The following ABI3BP variants were observed in gnomAD, a reference collection of about 807,000 sequenced individuals.
ABI3BP encodes target of Nesh-SH3.
A neutral mutation model predicts 268.6 loss-of-function variants in ABI3BP; 216 were observed. The ratio of observed to expected loss-of-function variants is 0.80; its 90% CI spans 0.72 to 0.90. The LOEUF is 0.90. Ranked by LOEUF, ABI3BP falls within the 40% of genes least tolerant of loss-of-function variation. ABI3BP has a pLI of 0.00. For synonymous variants in ABI3BP, 730 were observed against 730.0 expected (o/e 1.00, Z 0.00); for missense variants, 2,090 against 2,182.4 (o/e 0.96, Z 0.84).
At chr3:100,900,096 T>C (rs1029960941) in intron 3 of ABI3BP, among the ~76,000 whole-genome samples, 3 of 152,262 alleles carry the variant, frequency 2.0e-5, no homozygotes, top group African/African-American at 7.2e-5. Flanking sequence ...ATAGGATAGT[T>C]GACTTTTAAA....
chr3:100,750,032 C>T lies in ABI3BP; in HGVS notation c.*463G>A, dbSNP rs1340940874. On this transcript the variant is annotated 3_prime_UTR_variant, in exon 68 of 68. Transcript: ENST00000471714. The stretch of plus-strand genomic sequence containing the variant: ...ATGTGAAAATTCGGACCTTTTTTCC[C>T]CAGATATACATGCTGAAGATAATTT... 1.4e-5 allele frequency: 4 copies of T among 294,554 alleles called. No individual in the cohort carries two copies. Among genetic ancestry groups the T allele is most frequent in the African/African-American group, 2.1e-5 (1 of 46,706 alleles). The allele number at this position is 294,554 out of a possible 1,614,324, so 18.2% of individuals were successfully genotyped here.
intron 22 of ABI3BP, among the ~76,000 whole-genome samples, chr3:100,840,413 T>C (rs2098675746): frequency 6.6e-6 from 1 of 152,168 alleles, no homozygotes; most frequent in African/African-American, 2.4e-5. Flanking sequence ...ATCTCAAAAC[T>C]TTGTACAGCT....
At position 100,902,628 on chromosome 3, in the gene ABI3BP, C is replaced by T. The variant is rs776571810; in HGVS notation, c.318G>A (p.Lys106=). The T allele has an allele frequency of 5.0e-6, 8 of 1,613,854 alleles. No individual in the cohort carries two copies. The Admixed American group carries it at 1.0e-4, about 20-fold the overall frequency. The part of the protein sequence containing the change: ...VRPAPPPSQK[K]SCSGKTRSRK... ...TGCAAAGGACTATACCTGAACATGACTTCTTTTGACTTGGAGGTGGAGCAG... is the reference window on the plus strand; with the variant it reads ...TGCAAAGGACTATACCTGAACATGATTTCTTTTGACTTGGAGGTGGAGCAG... Residue 106 remains lysine (K), a synonymous_variant, in exon 3 of 68, where the codon AAG becomes AAA. Coordinates refer to ENST00000471714, the MANE Select transcript of ABI3BP (RefSeq NM_001375547.2).
chr3:100,990,055 G>C (rs2092673702), intron 1 of ABI3BP, among the ~76,000 whole-genome samples: 1 of 152,164 alleles, frequency 6.6e-6, no homozygotes, highest in Admixed American at 6.5e-5. Context: ...GGCAGACAAT[G>C]GTCAGGCTAG....
intron 49 of ABI3BP, among the ~76,000 whole-genome samples, chr3:100,808,772 G>A (rs1032533181): frequency 3.3e-5 from 5 of 151,996 alleles, no homozygotes; most frequent in Non-Finnish European, 5.9e-5. Context: ...ATTTTCTATG[G>A]AGAGTTATTC....
chr3:100,843,494 GGAAA>G (rs1433619690), intron 20 of ABI3BP: 36 of 949,902 alleles, frequency 3.8e-5, no homozygotes, highest in Middle Eastern at 5.4e-4. Flanking sequence ...AGGAAGGGAG[GGAAA>G]GAAAGAGAGG....
intron 2 of ABI3BP, 119 bp downstream of exon 2, chr3:100,926,183 C>T: frequency 1.0e-6 from 1 of 994,302 alleles, no homozygotes; most frequent in Non-Finnish European, 1.5e-6. Flanking sequence ...GTAATTCTAC[C>T]ATTTGATTAA....
rs1203518937 is a variant in ABI3BP at position 100,835,719 on chromosome 3, T to C, written c.2132-59A>G. The C allele has an allele frequency of 3.0e-6, 4 of 1,312,326 alleles. No homozygotes were observed. The East Asian group carries it at 7.5e-5, about 25-fold the overall frequency. The allele number at this position is 1,312,326 out of a possible 1,614,324, so 81.3% of individuals were successfully genotyped here. A position where few individuals can be genotyped will look rare whatever the true frequency, so the allele number is the denominator to read the frequency against. On this transcript the variant is annotated intron_variant, in intron 27 of 67. Coordinates refer to ENST00000471714, the MANE Select transcript of ABI3BP (RefSeq NM_001375547.2). ...TAAGAAATACAGAAAAACAAAGTTA[T>C]TTTGAAAATGAATCTTCTTAACCCT... is the stretch of plus-strand genomic sequence containing the variant.
At chr3:100,833,201 T>C (rs2098521555) in intron 29 of ABI3BP, 44 bp from the exon 30 acceptor site, 2 of 1,491,722 alleles carry the variant, frequency 1.3e-6, no homozygotes, top group South Asian at 1.2e-5. Context: ...AAGAAATAAA[T>C]GTTAAACACA....
intron 37 of ABI3BP, 107 bp downstream of exon 37, chr3:100,823,350 GA>G: frequency 4.5e-6 from 4 of 897,032 alleles, no homozygotes; most frequent in Non-Finnish European, 6.5e-6. Context: ...ATTTCAAGAA[GA>G]GTTGAATGGC....
At chr3:100,834,803 A>G in intron 28 of ABI3BP, 30 bp from the exon 29 acceptor site, 2 of 1,525,216 alleles carry the variant, frequency 1.3e-6, no homozygotes, top group Non-Finnish European at 1.8e-6. Flanking sequence ...TATTGTAGTC[A>G]TATGACTCCA....
chr3:100,810,444 A>C lies in ABI3BP; in HGVS notation c.3575T>G (p.Leu1192Arg), dbSNP rs2097833936. The change falls in exon 49 of 68, where the codon CTA (leucine) becomes CGA (arginine). Residue 1192 changes from leucine (L) to arginine (R), a missense_variant. Physicochemically the swap from Leu to Arg is moderately radical, Grantham distance 102. Coordinates refer to ENST00000471714, the MANE Select transcript of ABI3BP (RefSeq NM_001375547.2). ...AGTCTGAGGCTCATCTGGGCTGGGT[A>C]GGGTTATAGATTGAGAAGGCAGAGG... is the stretch of plus-strand genomic sequence containing the variant. Reference protein sequence around the residue: ...TSPLPSQSITLPSPDEPQTEP... With the variant: ...TSPLPSQSITRPSPDEPQTEP... 3 of 1,535,030 alleles carry C rather than the reference A, an allele frequency of 2.0e-6. No homozygotes were observed. The highest frequency in any genetic ancestry group is 2.6e-6 in the Non-Finnish European group (3 of 1,146,108).
At chr3:100,760,315 G>A (rs2095866865) in intron 63 of ABI3BP, among the ~76,000 whole-genome samples, 2 of 152,216 alleles carry the variant, frequency 1.3e-5, no homozygotes, top group Non-Finnish European at 2.9e-5. Context: ...AGTAAGGAGA[G>A]AGGTGAGTTC....
intron 49 of ABI3BP, among the ~76,000 whole-genome samples, chr3:100,808,941 C>T (rs17337645): frequency 0.14 from 21,377 of 152,036 alleles, 1,909 homozygotes; most frequent in South Asian, 0.27. Flanking sequence ...TGAACTAAAA[C>T]GTGTTTGGGA....
At chr3:100,912,299 A>AAAAAAAAAT (rs2056968911) in intron 2 of ABI3BP, 1 of 157,128 alleles carries the variant, frequency 6.4e-6, no homozygotes, top group African/African-American at 2.4e-5. Context: ...AAAAAAAAAA[A>AAAAAAAAAT]AAAAACAGAC....
At position 100,811,802 on chromosome 3, in the gene ABI3BP, A is replaced by G. The variant is rs1405284483; in HGVS notation, c.3422-3T>C. The G allele has an allele frequency of 5.2e-6, 8 of 1,535,402 alleles. No homozygotes were observed. Among genetic ancestry groups the G allele is most frequent in the Non-Finnish European group, 7.0e-6 (8 of 1,146,390 alleles). On this transcript the variant is annotated splice_region_variant and splice_polypyrimidine_tract_variant and intron_variant, in intron 46 of 67. Coordinates refer to ENST00000471714, the MANE Select transcript of ABI3BP (RefSeq NM_001375547.2). ...TACATAGTCTGTTTTGGCTGGTGCT[A>G]GGGAAGAAACGGGAATGGCTGGTTA...
chr3:100,753,949 T>C, intron 64 of ABI3BP, 101 bp from the exon 65 acceptor site: 1 of 1,225,022 alleles, frequency 8.2e-7, no homozygotes, highest in Non-Finnish European at 1.2e-6. Flanking sequence ...TTAAGAAGTC[T>C]TATTTGCAAA....
intron 1 of ABI3BP, among the ~76,000 whole-genome samples, chr3:100,966,573 C>T (rs912144858): frequency 2.0e-5 from 3 of 152,094 alleles, no homozygotes; most frequent in African/African-American, 7.2e-5. Flanking sequence ...GATTCTCCAT[C>T]GGCACAAGGG....
At chr3:100,879,650 T>C (rs2099205705) in intron 6 of ABI3BP, among the ~76,000 whole-genome samples, 1 of 152,200 alleles carries the variant, frequency 6.6e-6, no homozygotes, top group Non-Finnish European at 1.5e-5. Context: ...TACAGACCAG[T>C]GTCCAGTTAC....
Sources: gnomAD v4.1 joint callset for allele counts (sites outside exome capture counted in the v4.1 genomes callset) on GRCh38, gnomAD v4.1.1 for gene constraint, MANE v1.5 for transcripts, NCBI Gene and HGNC (gene_info 2026-07-23, HGNC 2026-07-21) for gene names.